Variants in DHX34 observed in about 807,000 individuals in gnomAD.
DHX34 encodes probable ATP-dependent RNA helicase DHX34.
In DHX34, 96 loss-of-function variants were observed where a neutral mutation model predicts 111.1. The ratio of observed to expected loss-of-function variants is 0.86; its 90% CI spans 0.73 to 1.02. DHX34 has a LOEUF of 1.02. Ranked by LOEUF, DHX34 falls within the 50% of genes least tolerant of loss-of-function variation. The probability of loss-of-function intolerance (pLI) is 0.00; values close to 1 mark genes in which losing one functional copy is unlikely to be tolerated. For missense variants in DHX34, 1,560 were observed against 1,579.9 expected (o/e 0.99, Z 0.21); for synonymous variants, 688 against 670.4 (o/e 1.03, Z -0.41).
chr19:47,378,813 G>A (rs1970253295), intron 13 of DHX34, among the ~76,000 whole-genome samples: 1 of 151,896 alleles, frequency 6.6e-6, no homozygotes, highest in Non-Finnish European at 1.5e-5. Flanking sequence ...CTCCAGCCTG[G>A]GTGACAGAGT....
chr19:47,360,932 A>G (rs1969612490), intron 5 of DHX34, among the ~76,000 whole-genome samples: 1 of 151,876 alleles, frequency 6.6e-6, no homozygotes, highest in Non-Finnish European at 1.5e-5. Flanking sequence ...AGCCTCCCAA[A>G]GTGCTGGGAT....
rs899637496 is a variant in DHX34 at position 47,355,030 on chromosome 19, C to T, written c.706-9C>T. 1 of 1,612,460 alleles carries T rather than the reference C, an allele frequency of 6.2e-7. No homozygotes were observed. Among genetic ancestry groups the T allele is most frequent in the Non-Finnish European group, 8.5e-7 (1 of 1,178,996 alleles). On this transcript the variant is annotated splice_polypyrimidine_tract_variant and intron_variant, in intron 2 of 16. Transcript: ENST00000328771. ...GTCCTCTCCTGATCCTTTCTTTCTC[C>T]CACCCCAGGTCGGCTACCAGATCCG...
chr19:47,381,041 A>G, intron 15 of DHX34, 49 bp downstream of exon 15: 2 of 1,542,442 alleles, frequency 1.3e-6, no homozygotes, highest in South Asian at 2.5e-5. Flanking sequence ...GGAAGACCCC[A>G]CCACCCCGTT....
intron 4 of DHX34, 68 bp from the exon 5 acceptor site, chr19:47,359,900 A>T: frequency 1.2e-6 from 2 of 1,608,132 alleles, no homozygotes; most frequent in Non-Finnish European, 1.7e-6. Context: ...GGGGTGGGCA[A>T]GAAATTGGAC....
chr19:47,373,760 T>C, intron 9 of DHX34, 60 bp downstream of exon 9: 2 of 1,562,436 alleles, frequency 1.3e-6, no homozygotes, highest in East Asian at 2.4e-5. Flanking sequence ...GTAAGCACAC[T>C]CCAGAACACT....
intron 6 of DHX34, 117 bp downstream of exon 6, chr19:47,362,810 A>C: frequency 9.6e-7 from 1 of 1,038,070 alleles, no homozygotes; most frequent in Non-Finnish European, 1.3e-6. Flanking sequence ...TTGCTCTGTC[A>C]CTCAGGCTAG....
chr19:47,365,339 C>T (rs868156542), intron 6 of DHX34, among the ~76,000 whole-genome samples: 1 of 152,062 alleles, frequency 6.6e-6, no homozygotes, highest in African/African-American at 2.4e-5. Context: ...GCAACCTCCA[C>T]CTCCCAGGCT....
chr19:47,374,942 A>T (rs1970086821), intron 9 of DHX34, among the ~76,000 whole-genome samples: 1 of 152,200 alleles, frequency 6.6e-6, no homozygotes, highest in South Asian at 2.1e-4. Context: ...AATGTTGACA[A>T]GATGTGGGCA....
intron 1 of DHX34, among the ~76,000 whole-genome samples, chr19:47,352,202 G>A (rs1396664089): frequency 1.3e-5 from 2 of 152,102 alleles, no homozygotes; most frequent in Non-Finnish European, 2.9e-5. Flanking sequence ...ACCTCCTTTG[G>A]TGTCCCACAG....
intron 7 of DHX34, among the ~76,000 whole-genome samples, chr19:47,368,298 CTTTTTTTTTTTTT>C: frequency 2.2e-5 from 1 of 46,078 alleles, no homozygotes; most frequent in African/African-American, 9.8e-5. Flanking sequence ...TCATTAAATC[CTTTTTTTTTTTTT>C]TTTTTTTTTT....
chr19:47,377,055 T>TGGGTGGGCCA (rs772373497), intron 12 of DHX34, 45 bp from the exon 13 acceptor site: 34 of 1,611,742 alleles, frequency 2.1e-5, no homozygotes, highest in Admixed American at 5.0e-5. Flanking sequence ...CTGATGGGCC[T>TGGGTGGGCCA]GGGTGGGCCA....
rs113675712 is a variant in DHX34, at chr19:47,382,478, CTT to C, written c.*366_*367del. On this transcript the variant is annotated 3_prime_UTR_variant, in exon 17 of 17. Transcript: ENST00000328771. ...CTTAGCACCTCCGCAGCCGCTCTCT[CTT>C]GAGTCCATCCTCAGTCTCTCCTACC... The C allele has an allele frequency of 0.016, 3,682 of 233,860 alleles. 149 individuals carry two copies. The highest frequency in any genetic ancestry group is 0.079 in the African/African-American group (3,433 of 43,722). The allele number at this position is 233,860 out of a possible 1,614,324, so 14.5% of individuals were successfully genotyped here.
Position 47,358,077 on chromosome 19 carries a change from T to C in DHX34, c.1229T>C (p.Val410Ala), listed in dbSNP as rs1392369032. The C allele has an allele frequency of 1.9e-6, 3 of 1,612,546 alleles. No homozygotes were observed. Among genetic ancestry groups the C allele is most frequent in the East Asian group, 4.5e-5 (2 of 44,856 alleles). The change falls in exon 4 of 17, where the codon GTA becomes GCA. Residue 410 changes from valine (V) to alanine (A), a missense_variant. Val to Ala is a moderately conservative substitution (Grantham distance 64). Coordinates refer to ENST00000328771, the MANE Select transcript of DHX34 (RefSeq NM_014681.6). Reference protein sequence around the residue: ...TYASHTQRWVVLPLHSALSVA... With the variant: ...TYASHTQRWVALPLHSALSVA... ...GCCAGCCACACCCAGCGCTGGGTGG[T>C]ACTGCCACTGCACAGCGCCCTGTCT...
At chr19:47,374,781 C>G (rs1393436014) in intron 9 of DHX34, among the ~76,000 whole-genome samples, 1 of 152,108 alleles carries the variant, frequency 6.6e-6, no homozygotes, top group African/African-American at 2.4e-5. Context: ...TTCATTGGTC[C>G]CCAGATGCTT....
intron 12 of DHX34, 56 bp downstream of exon 12, chr19:47,376,616 C>T: frequency 1.3e-6 from 2 of 1,533,652 alleles, no homozygotes; most frequent in South Asian, 1.2e-5. Flanking sequence ...GGCAGGGATA[C>T]CGTGAACTCC....
chr19:47,379,750 ACTGCTCCCGCCTGGTGG>A lies in DHX34; in HGVS notation c.2749_2765del (p.Cys917ArgfsTer12), dbSNP rs766521388. ...AGCCGGTCTTTGGACACCAATGGTGACTGCTCCCGCCTGGTGGCCGATGGCTGGCTGGAGCTGCAGCT... is the reference window on the plus strand; with the variant it reads ...AGCCGGTCTTTGGACACCAATGGTGACCGATGGCTGGCTGGAGCTGCAGCT... On this transcript the variant is annotated frameshift_variant, in exon 14 of 17. Transcript: ENST00000328771. LOFTEE classifies it high-confidence loss of function. The A allele has an allele frequency of 1.9e-6, 3 of 1,610,894 alleles. No individual in the cohort carries two copies. The highest frequency in any genetic ancestry group is 2.5e-6 in the Non-Finnish European group (3 of 1,177,586).
chr19:47,362,149 C>T (rs924267448), intron 5 of DHX34, among the ~76,000 whole-genome samples: 3 of 151,454 alleles, frequency 2.0e-5, no homozygotes, highest in Non-Finnish European at 2.9e-5. Flanking sequence ...CACCTTTAGT[C>T]CCAGCTACTC....
intron 5 of DHX34, 83 bp downstream of exon 5, chr19:47,360,153 C>T (rs547600927): frequency 4.8e-5 from 64 of 1,336,540 alleles, no homozygotes; most frequent in African/African-American, 2.0e-4. Context: ...GTGGCAGGGG[C>T]GCACCAGCTT....
At chr19:47,376,837 C>T in intron 12 of DHX34, 1 of 1,530,570 alleles carries the variant, frequency 6.5e-7, no homozygotes, top group Non-Finnish European at 8.7e-7. Context: ...GTCCTATGGA[C>T]TCTGTGAGCT....
Sources: allele counts gnomAD v4.1 joint callset (sites outside exome capture counted in the v4.1 genomes callset), GRCh38; gene constraint gnomAD v4.1.1; transcripts MANE v1.5; gene names NCBI Gene and HGNC (gene_info 2026-07-23, HGNC 2026-07-21).